The following SLC12A2 variants were observed in gnomAD, a reference collection of about 807,000 sequenced individuals.
SLC12A2 encodes solute carrier family 12 member 2, also known as Na-K-2Cl cotransporter 1.
In SLC12A2, 67 loss-of-function variants were observed where a neutral mutation model predicts 136.3. That is an observed-to-expected ratio of 0.49 (90% CI 0.40 to 0.60). The LOEUF is 0.60. SLC12A2 is among the 20% of genes least tolerant of loss of function. SLC12A2 has a pLI of 0.00. For missense variants in SLC12A2, 1,322 were observed against 1,534.7 expected, an observed-to-expected ratio of 0.86 and a Z score of 2.32; for synonymous variants, 619 against 562.9, an observed-to-expected ratio of 1.10 and a Z score of -1.41.
intron 1 of SLC12A2, among the ~76,000 whole-genome samples, chr5:128,085,387 GAA>G: frequency 6.6e-6 from 1 of 152,244 alleles, no homozygotes; most frequent in Admixed American, 6.5e-5. Context: ...AGAAAAAAGG[GAA>G]ACAGGAGAAT....
chr5:128,178,444 A>G (rs1010714430), intron 21 of SLC12A2, 123 bp from the exon 22 acceptor site: 15 of 581,036 alleles, frequency 2.6e-5, no homozygotes, highest in African/African-American at 1.2e-4. Context: ...GCCGTATACA[A>G]TTGTCTGAAT....
chr5:128,186,586 C>A lies in SLC12A2; in HGVS notation c.3594C>A (p.Leu1198=). The change falls in exon 27 of 27, where the codon CTC becomes CTA. Residue 1198 remains leucine, a synonymous_variant. Coordinates refer to ENST00000262461, the MANE Select transcript of SLC12A2 (RefSeq NM_001046.3). ...EALSKDLPPI[L]LVRGNHQSVL... The stretch of plus-strand genomic sequence containing the variant: ...TATCTAAGGACCTACCACCAATCCT[C>A]CTAGTTCGTGGGAATCATCAGAGTG... 6.2e-6 allele frequency: 10 copies of A among 1,613,876 alleles called. No individual in the cohort carries two copies. Among genetic ancestry groups the A allele is most frequent in the Non-Finnish European group, 8.5e-6 (10 of 1,179,930 alleles).
Position 128,126,941 on chromosome 5 carries a change from CATAT to C in SLC12A2, c.1049-4103_1049-4100del, listed in dbSNP as rs1243756791. ...TCCCTTATTCTATTATCACAACCTA[CATAT>C]ATATATATATATATATATATATTTT... On this transcript the variant is annotated intron_variant, in intron 4 of 26. Coordinates refer to ENST00000262461, the MANE Select transcript of SLC12A2 (RefSeq NM_001046.3). Among the ~76,000 whole-genome samples, 95 of 40,978 alleles carry C rather than the reference CATAT, an allele frequency of 2.3e-3. 1 individual carries two copies. Among genetic ancestry groups the C allele is most frequent in the Middle Eastern group, 0.02 (1 of 50 alleles). The allele number at this position is 40,978 out of a possible 152,430, so 26.9% of individuals were successfully genotyped here.
rs546409003 is a variant in SLC12A2 at position 128,174,474 on chromosome 5, C to T, written c.2804-67C>T. On this transcript the variant is annotated intron_variant, in intron 19 of 26. Coordinates refer to ENST00000262461, the MANE Select transcript of SLC12A2 (RefSeq NM_001046.3). ...TTTTCATAATAGTTTAATTACTAAA[C>T]CATAATGCCTTATTTAACAGTTAAA... The T allele has an allele frequency of 6.1e-5, 73 of 1,197,790 alleles. No individual in the cohort carries two copies. In the Admixed American group the frequency reaches 6.8e-4, roughly 11 times the overall value. 74.2% of individuals were successfully genotyped at this position (1,197,790 alleles called of 1,614,324 possible). A position where few individuals can be genotyped will look rare whatever the true frequency, so the allele number is the denominator to read the frequency against.
At chr5:128,131,354 A>T (rs540165297) in intron 5 of SLC12A2, 148 bp downstream of exon 5, 2 of 819,864 alleles carry the variant, frequency 2.4e-6, no homozygotes, top group South Asian at 1.7e-5. Flanking sequence ...TAGGCAAAGA[A>T]CAAAATACTA....
In SLC12A2 at chr5:128,084,754, T is replaced by C; in HGVS notation, c.756+44T>C. ...CCCTTCTTCCCCAGCCCCTGGTGCA[T>C]GCCGACCGCGGGATGTGGCTGCAGA... On this transcript the variant is annotated intron_variant, in intron 1 of 26. Transcript: ENST00000262461. The surrounding 1 kb of genome is among the most constrained non-coding windows in gnomAD (Gnocchi z 5.6). The C allele has an allele frequency of 6.7e-7, 1 of 1,498,372 alleles. No homozygotes were observed. Among genetic ancestry groups the C allele is most frequent in the Non-Finnish European group, 8.9e-7 (1 of 1,120,038 alleles). 92.8% of individuals were successfully genotyped at this position (1,498,372 alleles called of 1,614,324 possible).
Position 128,150,199 on chromosome 5 carries a change from T to G in SLC12A2, c.2107+101T>G. On this transcript the variant is annotated intron_variant, in intron 13 of 26. Coordinates refer to ENST00000262461, the MANE Select transcript of SLC12A2 (RefSeq NM_001046.3). ...CAAAGATGTTATGTGTGGGGTTAGT[T>G]CATTAATGCCAAGTCTGTCTTTACA... 3 of 709,586 alleles carry G rather than the reference T, an allele frequency of 4.2e-6. No homozygotes were observed. The South Asian group carries it at 4.9e-5, about 12-fold the overall frequency. 44.0% of individuals were successfully genotyped at this position (709,586 alleles called of 1,614,324 possible). A position where few individuals can be genotyped will look rare whatever the true frequency, so the allele number is the denominator to read the frequency against.
chr5:128,113,721 G>A (rs1373050272), intron 2 of SLC12A2, among the ~76,000 whole-genome samples: 1 of 151,986 alleles, frequency 6.6e-6, no homozygotes, highest in Admixed American at 6.5e-5. Flanking sequence ...AAAATAAATA[G>A]GGGAAACTTT....
At chr5:128,171,519 C>G in intron 18 of SLC12A2, 148 bp from the exon 19 acceptor site, 1 of 621,390 alleles carries the variant, frequency 1.6e-6, no homozygotes, top group Non-Finnish European at 2.8e-6. Flanking sequence ...CATATCTCAA[C>G]AAGTGATTTT....
At position 128,084,345 on chromosome 5, in the gene SLC12A2, G is replaced by A. The variant is rs146145321; in HGVS notation, c.391G>A (p.Gly131Ser). 5.0e-5 allele frequency: 80 copies of A among 1,588,736 alleles called. No homozygotes were observed. The African/African-American group carries it at 5.2e-4, about 10-fold the overall frequency. ...CAGCGGCGAGAGCGAGCCGGCTAAAGGCAGCGAGGAAGCCAAGGGCCGCTT... is the reference window on the plus strand; with the variant it reads ...CAGCGGCGAGAGCGAGCCGGCTAAAAGCAGCGAGGAAGCCAAGGGCCGCTT... ...EASGESEPAK[G>S]SEEAKGRFRV... The change falls in exon 1 of 27, where the codon GGC becomes AGC. Residue 131 changes from glycine to serine, a missense_variant. By Grantham distance (56) the Gly-to-Ser change is moderately conservative (BLOSUM62 0). This residue lies in a region of SLC12A2 where 358 missense variants were observed against 299.7 expected (regional missense o/e 1.19). Transcript: ENST00000262461. This position sits in a 1 kb window ranked among gnomAD's most constrained non-coding sequence, Gnocchi z 5.6.
At chr5:128,147,088 T>TA (rs1017492165) in intron 10 of SLC12A2, among the ~76,000 whole-genome samples, 1 of 151,104 alleles carries the variant, frequency 6.6e-6, no homozygotes, top group African/African-American at 2.4e-5. Context: ...TAACCTTTTT[T>TA]TTTTTTTTTT....
chr5:128,137,660 T>C (rs1420784487), intron 7 of SLC12A2, among the ~76,000 whole-genome samples: 4 of 152,216 alleles, frequency 2.6e-5, no homozygotes, highest in African/African-American at 7.2e-5. Context: ...ACCTGACACA[T>C]AGTAGCTGCT....
intron 11 of SLC12A2, 118 bp downstream of exon 11, chr5:128,147,847 GATAT>G: frequency 1.8e-6 from 1 of 555,520 alleles, no homozygotes; most frequent in Non-Finnish European, 3.2e-6. Context: ...ACATATATAT[GATAT>G]ATATATGCAC....
chr5:128,117,704 A>G (rs115899744), intron 4 of SLC12A2, among the ~76,000 whole-genome samples: 2,830 of 152,298 alleles, frequency 0.019, 77 homozygotes, highest in African/African-American at 0.061. Flanking sequence ...CAAATTTAAC[A>G]AAAACAAAAC....
chr5:128,133,201 A>T (rs570533303), intron 5 of SLC12A2, among the ~76,000 whole-genome samples: 109 of 152,256 alleles, frequency 7.2e-4, no homozygotes, highest in African/African-American at 2.5e-3. Flanking sequence ...AAAAGTATGT[A>T]GCTTTATGAA....
rs10519975 is a variant in SLC12A2, at chr5:128,181,008, A to C, written c.3212+14A>C. 11,110 of 1,419,460 alleles carry C rather than the reference A, an allele frequency of 7.8e-3. 762 individuals are homozygous for C. In the African/African-American group the frequency reaches 0.14, roughly 17 times the overall value. 87.9% of individuals were successfully genotyped at this position (1,419,460 alleles called of 1,614,324 possible). A position where few individuals can be genotyped will look rare whatever the true frequency, so the allele number is the denominator to read the frequency against. The stretch of plus-strand genomic sequence containing the variant: ...TGACCGGAGAGCGTAAGTTTATTTC[A>C]CATTGAAGGGCATGAATCTATTAGC... On this transcript the variant is annotated intron_variant, in intron 23 of 26. Coordinates refer to ENST00000262461, the MANE Select transcript of SLC12A2 (RefSeq NM_001046.3).
chr5:128,126,954 ATATATAT>A (rs1761818135), intron 4 of SLC12A2, among the ~76,000 whole-genome samples: 2 of 28,608 alleles, frequency 7.0e-5, no homozygotes, highest in Admixed American at 7.7e-4. Context: ...ATATATATAT[ATATATAT>A]ATATATTTTT....
chr5:128,134,150 G>A lies in SLC12A2; in HGVS notation c.1189-15G>A. The A allele has an allele frequency of 7.6e-7, 1 of 1,313,266 alleles. No homozygotes were observed. Among genetic ancestry groups the A allele is most frequent in the Non-Finnish European group, 1.1e-6 (1 of 910,798 alleles). The allele number at this position is 1,313,266 out of a possible 1,614,324, so 81.4% of individuals were successfully genotyped here. On this transcript the variant is annotated splice_polypyrimidine_tract_variant and intron_variant, in intron 5 of 26. Coordinates refer to ENST00000262461, the MANE Select transcript of SLC12A2 (RefSeq NM_001046.3). Reference sequence around the variant, plus strand: ...AACTAGTATTGCTTATTATATTTATGATTCCTTTTTCTAGGAACATTCCAT... The same window carrying A: ...AACTAGTATTGCTTATTATATTTATAATTCCTTTTTCTAGGAACATTCCAT...
At position 128,112,901 on chromosome 5, in the gene SLC12A2, G is replaced by A. The variant is rs762978108; in HGVS notation, c.844G>A (p.Val282Ile). ...VVTYTAESKG[V>I]VKFGWIKGVL... ...CACGTATACTGCAGAAAGTAAAGGA[G>A]TCGTGAAGTTTGGCTGGATCAAGGG... is the stretch of plus-strand genomic sequence containing the variant. Residue 282 changes from valine to isoleucine, a missense_variant, in exon 2 of 27, where the codon GTC becomes ATC. Val to Ile is a conservative substitution (Grantham distance 29). Coordinates refer to ENST00000262461, the MANE Select transcript of SLC12A2 (RefSeq NM_001046.3). 1.2e-6 allele frequency: 2 copies of A among 1,612,908 alleles called. No homozygotes were observed. Among genetic ancestry groups the A allele is most frequent in the Middle Eastern group, 1.7e-4 (1 of 6,056 alleles).
Sources: gnomAD v4.1 joint callset for allele counts (sites outside exome capture counted in the v4.1 genomes callset) on GRCh38, gnomAD v4.1.1 for gene constraint, gnomAD v4.1.1 regional missense constraint, Gnocchi (gnomAD v3.1) non-coding constraint, MANE v1.5 for transcripts, NCBI Gene and HGNC (gene_info 2026-07-23, HGNC 2026-07-21) for gene names.